The following SPART variants were observed in gnomAD, a reference collection of about 807,000 sequenced individuals.
SPART encodes the protein spartin.
SPART carries 35 observed loss-of-function variants against 58.7 expected under a neutral mutation model. That is an observed-to-expected ratio of 0.60 (90% CI 0.46 to 0.79). The LOEUF is 0.79. Among genes scored for constraint, SPART ranks in the 30% least tolerant of loss-of-function variants. The pLI is 0.00. For synonymous variants in SPART, 284 were observed against 280.7 expected (o/e 1.01, Z -0.12); for missense variants, 730 against 786.1 (o/e 0.93, Z 0.85).
At chr13:36,341,113 A>T (rs1884538007) in intron 1 of SPART, among the ~76,000 whole-genome samples, 2 of 152,322 alleles carry the variant, frequency 1.3e-5, no homozygotes, top group African/African-American at 4.8e-5. Flanking sequence ...CACTGTTTAG[A>T]GTACAAAAAA....
At chr13:36,327,497 G>C (rs948904266) in intron 4 of SPART, among the ~76,000 whole-genome samples, 4 of 151,906 alleles carry the variant, frequency 2.6e-5, no homozygotes, top group Non-Finnish European at 4.4e-5. Context: ...GATTTTTTTA[G>C]AACAAGAAAT....
At chr13:36,315,532 G>C (rs886277219) in intron 5 of SPART, among the ~76,000 whole-genome samples, 18 of 152,156 alleles carry the variant, frequency 1.2e-4, no homozygotes, top group Non-Finnish European at 2.5e-4. Context: ...ACAATGAAAA[G>C]TGACATGTAA....
intron 1 of SPART, chr13:36,368,523 T>A (rs1415400253): frequency 6.4e-6 from 1 of 155,982 alleles, no homozygotes; most frequent in South Asian, 1.9e-4. Context: ...TACTGTTAGC[T>A]AGAACTTAAG....
intron 8 of SPART, among the ~76,000 whole-genome samples, chr13:36,307,900 G>C (rs190027457): frequency 1.3e-5 from 2 of 152,100 alleles, no homozygotes; most frequent in East Asian, 3.9e-4. Context: ...AATCAGATAA[G>C]GAAGTTTATA....
intron 1 of SPART, chr13:36,345,590 C>T (rs1885023067): frequency 6.6e-6 from 1 of 152,200 alleles, no homozygotes; most frequent in African/African-American, 2.4e-5. Context: ...ACTGGGTCAG[C>T]CCTAGAGTCA....
At position 36,335,730 on chromosome 13, in the gene SPART, T is replaced by G. The variant is rs774604649; in HGVS notation, c.101A>C (p.Asp34Ala). Residue 34 changes from aspartate (D) to alanine (A), a missense_variant, in exon 2 of 9, where the codon GAT becomes GCT. Physicochemically the swap from Asp to Ala is moderately radical, Grantham distance 126. Coordinates refer to ENST00000438666, the MANE Select transcript of SPART (RefSeq NM_015087.5). ...FLFVNKGLNT[D>A]ELGQKEEAKN... is the part of the protein sequence containing the mutation. ...TGCTTCTTCCTTCTGACCTAATTCA[T>G]CTGTATTCAGACCTTTGTTAACAAA... 3 of 1,614,020 alleles carry G rather than the reference T, an allele frequency of 1.9e-6. No homozygotes were observed. Among genetic ancestry groups the G allele is most frequent in the Non-Finnish European group, 2.5e-6 (3 of 1,179,988 alleles).
intron 1 of SPART, among the ~76,000 whole-genome samples, chr13:36,359,944 A>T: frequency 1.3e-5 from 2 of 149,478 alleles, no homozygotes; most frequent in Non-Finnish European, 1.5e-5. Context: ...AAAAAAAAAC[A>T]CCTCTTTGAA....
intron 5 of SPART, among the ~76,000 whole-genome samples, chr13:36,324,482 G>A (rs2874915): frequency 0.24 from 36,512 of 152,058 alleles, 4,857 homozygotes; most frequent in East Asian, 0.51. Context: ...TTATTGTCAA[G>A]TCACTAGCTA....
intron 1 of SPART, among the ~76,000 whole-genome samples, chr13:36,337,732 CT>C (rs1884160035): frequency 6.6e-6 from 1 of 152,180 alleles, no homozygotes; most frequent in African/African-American, 2.4e-5. Context: ...ATCAGATCAA[CT>C]GTTCCGATAT....
chr13:36,308,040 G>T (rs1446629680), intron 8 of SPART, among the ~76,000 whole-genome samples: 1 of 152,170 alleles, frequency 6.6e-6, no homozygotes, highest in South Asian at 2.1e-4. Flanking sequence ...AGTTCGATTT[G>T]AGTACTCCAC....
chr13:36,367,972 G>A (rs750440078), intron 1 of SPART, among the ~76,000 whole-genome samples: 1 of 152,130 alleles, frequency 6.6e-6, no homozygotes, highest in African/African-American at 2.4e-5. Flanking sequence ...CAATTTATTT[G>A]TGTGTTCTCT....
chr13:36,313,493 C>T (rs186985461), intron 6 of SPART, among the ~76,000 whole-genome samples: 101 of 152,326 alleles, frequency 6.6e-4, no homozygotes, highest in African/African-American at 2.4e-3. Context: ...CACATTCACT[C>T]ACCACTCACT....
At chr13:36,347,795 A>C (rs1593286407), upstream of SPART, among the ~76,000 whole-genome samples, 2 of 152,204 alleles carry the variant, frequency 1.3e-5, no homozygotes, top group East Asian at 3.8e-4. Flanking sequence ...ATTATAAATT[A>C]ACATTTTAAA....
intron 1 of SPART, among the ~76,000 whole-genome samples, chr13:36,338,097 G>A (rs950946823): frequency 6.6e-6 from 1 of 152,130 alleles, no homozygotes; most frequent in African/African-American, 2.4e-5. Flanking sequence ...AAGCAATTGG[G>A]TGCCACACTA....
chr13:36,307,574 TCTAA>T (rs1880644487), intron 8 of SPART, among the ~76,000 whole-genome samples: 1 of 152,026 alleles, frequency 6.6e-6, no homozygotes, highest in Non-Finnish European at 1.5e-5. Flanking sequence ...TAAAAATAGA[TCTAA>T]CTATCAAAGC....
At chr13:36,326,898 T>C (rs1882991404) in intron 4 of SPART, among the ~76,000 whole-genome samples, 200 bp from the exon 5 acceptor site, 1 of 152,142 alleles carries the variant, frequency 6.6e-6, no homozygotes, top group African/African-American at 2.4e-5. Context: ...CTGGTCCATA[T>C]AAATCTTGAC....
intron 1 of SPART, among the ~76,000 whole-genome samples, chr13:36,363,843 G>A (rs760113355): frequency 2.6e-5 from 4 of 151,912 alleles, no homozygotes; most frequent in Non-Finnish European, 5.9e-5. Flanking sequence ...ACAAATAATA[G>A]TTTTAAGTGT....
intron 1 of SPART, among the ~76,000 whole-genome samples, chr13:36,359,424 AAG>A (rs1322282401): frequency 1.3e-5 from 2 of 152,188 alleles, no homozygotes; most frequent in African/African-American, 4.8e-5. Context: ...CCTTAGAAAA[AAG>A]AGTAATTTGC....
chr13:36,323,177 A>G (rs1882588176), intron 5 of SPART, among the ~76,000 whole-genome samples: 1 of 152,206 alleles, frequency 6.6e-6, no homozygotes, highest in Non-Finnish European at 1.5e-5. Flanking sequence ...AGCATTCCAG[A>G]GTCCATCTGT....
Sources: allele counts gnomAD v4.1 joint callset (sites outside exome capture counted in the v4.1 genomes callset), GRCh38; gene constraint gnomAD v4.1.1; transcripts MANE v1.5; gene names NCBI Gene and HGNC (gene_info 2026-07-23, HGNC 2026-07-21).